CDH17: variants seen among roughly 807,000 people sequenced by gnomAD.
The protein encoded by CDH17 is cadherin-17.
CDH17 carries 67 observed loss-of-function variants against 86.3 expected under a neutral mutation model. That is an observed-to-expected ratio of 0.78 (90% CI 0.64 to 0.95). The LOEUF (loss-of-function observed/expected upper bound fraction) is 0.95. Among genes scored for constraint, CDH17 ranks in the 40% least tolerant of loss-of-function variants. The pLI, the probability that CDH17 is intolerant of heterozygous loss-of-function variation, is 0.00. For missense variants in CDH17, 993 were observed against 1,017.6 expected (o/e 0.98, Z 0.33); for synonymous variants, 367 against 366.4 (o/e 1.00, Z -0.02).
intron 1 of CDH17, among the ~76,000 whole-genome samples, chr8:94,195,720 A>G (rs1268155603): frequency 6.6e-6 from 1 of 151,990 alleles, no homozygotes; most frequent in East Asian, 1.9e-4. Flanking sequence ...GTTACCTGTC[A>G]TAAGTTTGGA....
At chr8:94,200,518 GTTATTA>G (rs1288048053) in intron 1 of CDH17, among the ~76,000 whole-genome samples, 2 of 136,460 alleles carry the variant, frequency 1.5e-5, no homozygotes, top group Non-Finnish European at 3.1e-5. Context: ...AGATCAGAGG[GTTATTA>G]TTATTATCTT....
At chr8:94,144,501 T>C (rs1321150738) in intron 15 of CDH17, among the ~76,000 whole-genome samples, 1 of 151,826 alleles carries the variant, frequency 6.6e-6, no homozygotes, top group Non-Finnish European at 1.5e-5. Context: ...CAAAGTGCAA[T>C]AAGATGAGGT....
At chr8:94,167,616 T>C (rs148927634) in intron 9 of CDH17, among the ~76,000 whole-genome samples, 2 of 152,252 alleles carry the variant, frequency 1.3e-5, no homozygotes, top group East Asian at 3.9e-4. Context: ...AAGAAAAGTA[T>C]CTGTGTGCTG....
chr8:94,216,440 C>T (rs1186301046), intron 1 of CDH17, among the ~76,000 whole-genome samples: 1 of 152,126 alleles, frequency 6.6e-6, no homozygotes. Flanking sequence ...TCTAAGGAGG[C>T]CTGGGAGGAG....
chr8:94,148,259 G>A (rs1812783631), intron 14 of CDH17, among the ~76,000 whole-genome samples: 2 of 152,028 alleles, frequency 1.3e-5, no homozygotes, highest in African/African-American at 4.8e-5. Context: ...AACCACAAAG[G>A]GGCTGGGCGT....
intron 11 of CDH17, among the ~76,000 whole-genome samples, chr8:94,160,500 G>T (rs746530844): frequency 1.3e-5 from 2 of 152,144 alleles, no homozygotes; most frequent in Non-Finnish European, 2.9e-5. Flanking sequence ...CTATCAGGTG[G>T]TAGGCACTTT....
At chr8:94,211,124 G>A (rs1430266853), upstream of CDH17, among the ~76,000 whole-genome samples, 1 of 151,190 alleles carries the variant, frequency 6.6e-6, no homozygotes, top group East Asian at 1.9e-4. Flanking sequence ...CAACGCTTTT[G>A]TCTATAATGT....
At chr8:94,146,521 A>G (rs865969251) in intron 14 of CDH17, among the ~76,000 whole-genome samples, 1 of 152,250 alleles carries the variant, frequency 6.6e-6, no homozygotes, top group Non-Finnish European at 1.5e-5. Flanking sequence ...GCATGTTAGT[A>G]GAGTTTTCTA....
chr8:94,188,967 G>A (rs1044440792), intron 3 of CDH17, among the ~76,000 whole-genome samples: 9 of 152,238 alleles, frequency 5.9e-5, no homozygotes, highest in Admixed American at 1.3e-4. Flanking sequence ...GGGAGCACTC[G>A]CCCCAGAGAT....
rs72670355 is a variant in CDH17, at chr8:94,174,086, G to A, written c.583+16C>T. ...TTCTGATCGAGACAGTCCTACCAGG[G>A]CACCCCTGAACTTACCCTCTCGGGT... is the stretch of plus-strand genomic sequence containing the variant. On this transcript the variant is annotated intron_variant, in intron 6 of 17. Transcript: ENST00000027335. 6.4e-3 allele frequency: 10,253 copies of A among 1,612,438 alleles called. 49 individuals are homozygous for A. Among genetic ancestry groups the A allele is most frequent in the Non-Finnish European group, 7.2e-3 (8,456 of 1,178,718 alleles).
chr8:94,159,969 A>C lies in CDH17; in HGVS notation c.1551+2T>G. On this transcript the variant is annotated splice_donor_variant, in intron 12 of 17. Coordinates refer to ENST00000027335, the MANE Select transcript of CDH17 (RefSeq NM_004063.4). LOFTEE classifies it high-confidence loss of function. Reference sequence around the variant, plus strand: ...ATTCTATTAAATAAATGGGCTATTTACCTTTTTAATTATGACATATCCGGT... The same window carrying C: ...ATTCTATTAAATAAATGGGCTATTTCCCTTTTTAATTATGACATATCCGGT... The C allele has an allele frequency of 6.2e-7, 1 of 1,600,472 alleles. No homozygotes were observed. Among genetic ancestry groups the C allele is most frequent in the Non-Finnish European group, 8.5e-7 (1 of 1,174,040 alleles).
chr8:94,162,272 T>G, intron 10 of CDH17, 110 bp from the exon 11 acceptor site: 1 of 726,988 alleles, frequency 1.4e-6, no homozygotes, highest in Admixed American at 2.2e-5. Flanking sequence ...TAGCCACAAT[T>G]TTGCAATTGA....
intron 15 of CDH17, among the ~76,000 whole-genome samples, chr8:94,132,065 T>C (rs999361033): frequency 1.3e-5 from 2 of 152,224 alleles, no homozygotes; most frequent in Non-Finnish European, 2.9e-5. Flanking sequence ...ATTTTCTTAA[T>C]CCAGTCTATC....
chr8:94,210,226 T>TAAAAAAAAAAAAAAAAA (rs71567010), upstream of CDH17, among the ~76,000 whole-genome samples: 1 of 53,434 alleles, frequency 1.9e-5, no homozygotes, highest in African/African-American at 7.1e-5. Context: ...TTTATGCGAG[T>TAAAAAAAAAAAAAAAAA]AAAAAAAAAA....
intron 1 of CDH17, chr8:94,202,987 C>A: frequency 3.4e-6 from 1 of 291,870 alleles, no homozygotes. Context: ...TTGCCACTGG[C>A]AAAGCCTTGT....
intron 15 of CDH17, among the ~76,000 whole-genome samples, chr8:94,141,710 C>T (rs1812641644): frequency 6.6e-6 from 1 of 152,080 alleles, no homozygotes; most frequent in South Asian, 2.1e-4. Context: ...AACTAAAACA[C>T]ATTGCTGAAC....
chr8:94,171,197 ATG>A (rs942252949), intron 7 of CDH17, among the ~76,000 whole-genome samples: 56 of 152,262 alleles, frequency 3.7e-4, no homozygotes, highest in African/African-American at 1.3e-3. Flanking sequence ...ACACCAGGAA[ATG>A]TTTCTTCTCT....
intron 15 of CDH17, among the ~76,000 whole-genome samples, chr8:94,133,370 G>T (rs2130568925): frequency 6.6e-6 from 1 of 152,228 alleles, no homozygotes; most frequent in South Asian, 2.1e-4. Context: ...TCCTTGAAGA[G>T]GTCCTTCACA....
intron 12 of CDH17, among the ~76,000 whole-genome samples, chr8:94,155,868 T>C (rs1812936034): frequency 6.6e-6 from 1 of 152,228 alleles, no homozygotes; most frequent in Non-Finnish European, 1.5e-5. Flanking sequence ...CAGCCTGCCA[T>C]TGAGGATTCT....
Sources: allele counts gnomAD v4.1 joint callset (sites outside exome capture counted in the v4.1 genomes callset), GRCh38; gene constraint gnomAD v4.1.1; transcripts MANE v1.5; gene names NCBI Gene and HGNC (gene_info 2026-07-23, HGNC 2026-07-21).